The following BICD1 variants were observed in gnomAD, a reference collection of about 807,000 sequenced individuals.
BICD1 encodes protein bicaudal D homolog 1.
BICD1 carries 35 observed loss-of-function variants against 92.5 expected under a neutral mutation model. The ratio of observed to expected loss-of-function variants is 0.38; its 90% CI spans 0.29 to 0.50. BICD1 has a LOEUF of 0.50. BICD1 is among the 20% of genes least tolerant of loss of function. The pLI, the probability that BICD1 is intolerant of heterozygous loss-of-function variation, is 0.93. For synonymous variants in BICD1, 429 were observed against 465.1 expected, an observed-to-expected ratio of 0.92 and a Z score of 1.00; for missense variants, 950 against 1,189.8, an observed-to-expected ratio of 0.80 and a Z score of 2.97.
chr12:32,332,605 TACA>T, intron 5 of BICD1: 1 of 340,352 alleles, frequency 2.9e-6, no homozygotes, highest in Non-Finnish European at 4.2e-6. Flanking sequence ...GAAACACAAT[TACA>T]GTTCAACGTT....
chr12:32,273,954 T>C (rs1056119975), intron 2 of BICD1, among the ~76,000 whole-genome samples: 19 of 152,158 alleles, frequency 1.2e-4, no homozygotes, highest in Admixed American at 1.2e-3. Context: ...AAGCGTAAAC[T>C]TCTCTTGGCT....
chr12:32,317,361 A>G (rs921132385), intron 4 of BICD1, among the ~76,000 whole-genome samples: 3 of 152,198 alleles, frequency 2.0e-5, no homozygotes, highest in African/African-American at 7.2e-5. Context: ...CATCCTCTCC[A>G]GCACCTGTTG....
intron 2 of BICD1, among the ~76,000 whole-genome samples, chr12:32,230,156 A>C (rs1326995912): frequency 1.3e-5 from 2 of 152,088 alleles, no homozygotes; most frequent in Non-Finnish European, 2.9e-5. Context: ...TTGAAGGGAC[A>C]AAAGTGGGCG....
At chr12:32,360,354 T>C (rs1939278953) in intron 8 of BICD1, among the ~76,000 whole-genome samples, 1 of 152,192 alleles carries the variant, frequency 6.6e-6, no homozygotes. Context: ...AGAGGATTAA[T>C]ACCTATATAT....
chr12:32,126,868 C>G (rs536626205), intron 1 of BICD1, among the ~76,000 whole-genome samples: 12 of 152,300 alleles, frequency 7.9e-5, no homozygotes, highest in African/African-American at 2.6e-4. Flanking sequence ...CACTTCATAC[C>G]TTGTGGCTCT....
At chr12:32,261,683 G>T (rs552351104) in intron 2 of BICD1, among the ~76,000 whole-genome samples, 1 of 152,232 alleles carries the variant, frequency 6.6e-6, no homozygotes, top group South Asian at 2.1e-4. Flanking sequence ...TTTCCTGGAA[G>T]AGATTCTACT....
At chr12:32,108,616 A>C (rs572544573) in intron 1 of BICD1, 2 of 679,622 alleles carry the variant, frequency 2.9e-6, no homozygotes, top group Admixed American at 2.2e-5. Flanking sequence ...TAATATCAAA[A>C]ATCTATTATT....
In BICD1 at chr12:32,162,180, A is replaced by T. The variant is rs189566405; in HGVS notation, c.214-54067A>T. On this transcript the variant is annotated intron_variant, in intron 1 of 9. Coordinates refer to ENST00000652176, the MANE Select transcript of BICD1 (RefSeq NM_001714.4). ...CCACAGGCATGTGTCTGATTGGTGG[A>T]TTCTAAACCACCCTCAGAAATGTAG... is the stretch of plus-strand genomic sequence containing the variant. 5.9e-4 allele frequency among the ~76,000 whole-genome samples: 90 copies of T among 152,320 alleles called. 1 individual carries two copies. The highest frequency in any genetic ancestry group is 2.1e-3 in the African/African-American group (86 of 41,586).
intron 2 of BICD1, among the ~76,000 whole-genome samples, chr12:32,276,733 A>G (rs1022961632): frequency 1.3e-5 from 2 of 152,232 alleles, no homozygotes; most frequent in Non-Finnish European, 1.5e-5. Context: ...CTGAAGGAGC[A>G]TTCTCCAATG....
At chr12:32,374,223 A>G (rs943647862) in intron 9 of BICD1, among the ~76,000 whole-genome samples, 1 of 150,850 alleles carries the variant, frequency 6.6e-6, no homozygotes, top group African/African-American at 2.5e-5. Flanking sequence ...AAAAAAAAAA[A>G]GAAAAGAAAA....
Position 32,227,991 on chromosome 12 carries a change from C to T in BICD1, c.426+11532C>T, listed in dbSNP as rs192338357. On this transcript the variant is annotated intron_variant, in intron 2 of 9. Coordinates refer to ENST00000652176, the MANE Select transcript of BICD1 (RefSeq NM_001714.4). ...TCTTCTTCTTGGACAGAAAGATGAT[C>T]GGTAAGGGGTAAGGTAGACGATGCC... 280 of 230,384 alleles carry T rather than the reference C, an allele frequency of 1.2e-3. 1 individual carries two copies. The highest frequency in any genetic ancestry group is 2.0e-3 in the Non-Finnish European group (210 of 103,988). 14.3% of individuals were successfully genotyped at this position (230,384 alleles called of 1,614,324 possible). A position where few individuals can be genotyped will look rare whatever the true frequency, so the allele number is the denominator to read the frequency against.
chr12:32,168,921 G>A (rs11051827), intron 1 of BICD1, among the ~76,000 whole-genome samples: 47,581 of 151,692 alleles, frequency 0.31, 7,771 homozygotes, highest in Admixed American at 0.38. Context: ...GAGATCGCGC[G>A]ATTGCACTCC....
chr12:32,232,167 A>T lies in BICD1; in HGVS notation c.426+15708A>T, dbSNP rs1945912237. Among the ~76,000 whole-genome samples, 5 of 150,712 alleles carry T rather than the reference A, an allele frequency of 3.3e-5. No individual in the cohort carries two copies. The South Asian group carries it at 1.1e-3, about 33-fold the overall frequency. On this transcript the variant is annotated intron_variant, in intron 2 of 9. Transcript: ENST00000652176. Reference sequence around the variant, plus strand: ...AGATCCCTGAGGAATCGCCACACTGACTTCCACAAGGGTTGAACTAGTTTA... The same window carrying T: ...AGATCCCTGAGGAATCGCCACACTGTCTTCCACAAGGGTTGAACTAGTTTA...
In BICD1 at chr12:32,235,995, G is replaced by A. The variant is rs899176273; in HGVS notation, c.426+19536G>A. 2.0e-5 allele frequency among the ~76,000 whole-genome samples: 3 copies of A among 151,740 alleles called. No individual in the cohort carries two copies. The East Asian group carries it at 5.9e-4, about 30-fold the overall frequency. On this transcript the variant is annotated intron_variant, in intron 2 of 9. Transcript: ENST00000652176. ...TTACAGGCGTGAGCCACTGCGCCTG[G>A]CCCAAACTTTTTCATTATTGTTATA...
chr12:32,376,243 C>T (rs151304603), intron 9 of BICD1, among the ~76,000 whole-genome samples: 1 of 152,002 alleles, frequency 6.6e-6, no homozygotes, highest in Non-Finnish European at 1.5e-5. Context: ...GCCACCATAC[C>T]CAGCTAATTT....
At chr12:32,150,520 G>A (rs1437039420) in intron 1 of BICD1, among the ~76,000 whole-genome samples, 1 of 152,150 alleles carries the variant, frequency 6.6e-6, no homozygotes, top group Admixed American at 6.5e-5. Flanking sequence ...TGACTGAGCA[G>A]AGAGACTGAT....
At chr12:32,254,721 T>G (rs561620273) in intron 2 of BICD1, among the ~76,000 whole-genome samples, 190 of 152,280 alleles carry the variant, frequency 1.2e-3, no homozygotes, top group Non-Finnish European at 2.3e-3. Flanking sequence ...TTGGGCCAAG[T>G]CTTCTGGAAT....
intron 2 of BICD1, among the ~76,000 whole-genome samples, chr12:32,223,775 G>A (rs543355324): frequency 6.6e-6 from 1 of 152,098 alleles, no homozygotes; most frequent in African/African-American, 2.4e-5. Context: ...TTGAAAGTAC[G>A]ATTCTTTCAC....
rs34183365 is a variant in BICD1 at position 32,133,784 on chromosome 12, C to CTT, written c.213+26254_213+26255dup. The stretch of plus-strand genomic sequence containing the variant: ...CCAGTTTCTGAAATGGATGCCAGTT[C>CTT]TTTTTTTTTTTTTTTGAGATGGAGT... On this transcript the variant is annotated intron_variant, in intron 1 of 9. Transcript: ENST00000652176. Among the ~76,000 whole-genome samples the CTT allele has an allele frequency of 1.3e-3, 179 of 140,086 alleles. 1 individual carries two copies. Among genetic ancestry groups the CTT allele is most frequent in the South Asian group, 1.4e-3 (6 of 4,362 alleles). 91.9% of individuals were successfully genotyped at this position (140,086 alleles called of 152,430 possible).
Sources: gnomAD v4.1 joint callset for allele counts (sites outside exome capture counted in the v4.1 genomes callset) on GRCh38, gnomAD v4.1.1 for gene constraint, MANE v1.5 for transcripts, NCBI Gene and HGNC (gene_info 2026-07-23, HGNC 2026-07-21) for gene names.